GTF2IRD2B: variants seen among roughly 807,000 people sequenced by gnomAD.
GTF2IRD2B encodes the protein general transcription factor II-I repeat domain-containing protein 2B.
Under a neutral mutation model 55.6 loss-of-function variants are expected in GTF2IRD2B, and 10 were observed. That is an observed-to-expected ratio of 0.18 (90% CI 0.11 to 0.31). The LOEUF is 0.31. Ranked by LOEUF, GTF2IRD2B falls within the 10% of genes least tolerant of loss-of-function variation. The pLI, the probability that GTF2IRD2B is intolerant of heterozygous loss-of-function variation, is 1.00. For synonymous variants in GTF2IRD2B, 107 were observed against 320.5 expected (o/e 0.33, Z 7.12); for missense variants, 206 against 802.7 (o/e 0.26, Z 8.98).
At chr7:75,104,121 C>A (rs1807681593) in intron 1 of GTF2IRD2B, among the ~76,000 whole-genome samples, 1 of 130,588 alleles carries the variant, frequency 7.7e-6, no homozygotes, top group South Asian at 2.6e-4. Flanking sequence ...GTTGCTGTGG[C>A]ATCTCCCTTT....
intron 3 of GTF2IRD2B, among the ~76,000 whole-genome samples, chr7:75,114,652 G>T (rs1554451111): frequency 6.6e-6 from 1 of 151,900 alleles, no homozygotes; most frequent in East Asian, 1.9e-4. Context: ...GTGTATCCAA[G>T]GTTTGGCTCC....
chr7:75,127,247 G>A (rs1808548502), intron 8 of GTF2IRD2B, among the ~76,000 whole-genome samples: 1 of 151,392 alleles, frequency 6.6e-6, no homozygotes, highest in Admixed American at 6.6e-5. Flanking sequence ...GGGAGGCCGA[G>A]GCAGGCAAAT....
chr7:75,123,672 G>A (rs1341641548), intron 6 of GTF2IRD2B, 156 bp downstream of exon 6: 10 of 658,220 alleles, frequency 1.5e-5, no homozygotes, highest in Non-Finnish European at 2.5e-5. Flanking sequence ...TCAGGAGATC[G>A]CGACCATCCT....
chr7:75,101,570 G>A (rs1289281277), intron 1 of GTF2IRD2B, among the ~76,000 whole-genome samples: 1 of 149,702 alleles, frequency 6.7e-6, no homozygotes, highest in Non-Finnish European at 1.5e-5. Flanking sequence ...GTGACAGAAT[G>A]AGACCCTGTC....
rs1807312228 is a variant in GTF2IRD2B at position 75,093,092 on chromosome 7, TCGCGC to T, written c.-6+328_-6+332del. On this transcript the variant is annotated intron_variant, in intron 1 of 15. Coordinates refer to ENST00000472837, the MANE Select transcript of GTF2IRD2B (RefSeq NM_001003795.3). ...GCTCCGCCCGTCGTACGTGGGGCGC[TCGCGC>T]TGCGTGCAGACGCGCTTGATTGGTT... 4.3e-4 allele frequency among the ~76,000 whole-genome samples: 65 copies of T among 152,342 alleles called. No homozygotes were observed. In the South Asian group the frequency reaches 0.013, roughly 30 times the overall value.
Position 75,112,248 on chromosome 7 carries a change from T to C in GTF2IRD2B, c.100-149T>C, listed in dbSNP as rs1395182189. 1.0e-4 allele frequency: 16 copies of C among 156,320 alleles called. No homozygotes were observed. In the African/African-American group the frequency reaches 1.1e-3, roughly 11 times the overall value. The allele number at this position is 156,320 out of a possible 1,614,324, so 9.7% of individuals were successfully genotyped here. ...TTGCGCCACTGCACTCCAGCCTGGGTGACAGAGCGAGACTCCGTCTCAAAA... is the reference window on the plus strand; with the variant it reads ...TTGCGCCACTGCACTCCAGCCTGGGCGACAGAGCGAGACTCCGTCTCAAAA... On this transcript the variant is annotated intron_variant, in intron 2 of 15. Coordinates refer to ENST00000472837, the MANE Select transcript of GTF2IRD2B (RefSeq NM_001003795.3).
chr7:75,127,487 A>T (rs1369264093), intron 8 of GTF2IRD2B, among the ~76,000 whole-genome samples: 1 of 148,190 alleles, frequency 6.7e-6, no homozygotes, highest in African/African-American at 2.5e-5. Flanking sequence ...AAAAAAAAAA[A>T]AAAAAGAGAG....
intron 4 of GTF2IRD2B, among the ~76,000 whole-genome samples, chr7:75,121,962 A>ACC (rs2115776091): frequency 1.6e-5 from 2 of 128,758 alleles, no homozygotes; most frequent in South Asian, 5.1e-4. Flanking sequence ...ACGGGGTTTC[A>ACC]TTGTGTTAGC....
intron 12 of GTF2IRD2B, among the ~76,000 whole-genome samples, chr7:75,140,856 AT>A (rs1310946510): frequency 3.6e-5 from 5 of 140,824 alleles, no homozygotes; most frequent in African/African-American, 1.0e-4. Context: ...CTTGTATGAT[AT>A]TGAAAATATT....
chr7:75,104,788 C>G (rs1372335844), intron 1 of GTF2IRD2B, among the ~76,000 whole-genome samples: 2 of 152,278 alleles, frequency 1.3e-5, no homozygotes, highest in Non-Finnish European at 2.9e-5. Context: ...ACCTACGCGT[C>G]TCATGGCTGG....
rs1312395049 is a variant in GTF2IRD2B at position 75,101,462 on chromosome 7, G to T, written c.-5-7498G>T. ...TGCCTGTCATCTTAGCTACTCTGGA[G>T]GCTGAGGCAGGAGCATTGCTTGAGC... On this transcript the variant is annotated intron_variant, in intron 1 of 15. Transcript: ENST00000472837. Among the ~76,000 whole-genome samples the T allele has an allele frequency of 6.6e-5, 10 of 151,198 alleles. No individual in the cohort carries two copies. The East Asian group carries it at 1.9e-3, about 29-fold the overall frequency.
intron 11 of GTF2IRD2B, among the ~76,000 whole-genome samples, chr7:75,138,399 C>T (rs2529347): frequency 1.4e-5 from 2 of 147,898 alleles, no homozygotes; most frequent in Non-Finnish European, 1.5e-5. Flanking sequence ...TGGTGGCTCA[C>T]GCCTGTAATC....
At chr7:75,122,999 G>A (rs1283721006) in intron 4 of GTF2IRD2B, 137 bp from the exon 5 acceptor site, 18 of 1,410,236 alleles carry the variant, frequency 1.3e-5, no homozygotes, top group Admixed American at 4.7e-5. Flanking sequence ...GCAGCGAGCC[G>A]AGATCTTGCC....
chr7:75,103,568 G>A (rs1422518351), intron 1 of GTF2IRD2B, among the ~76,000 whole-genome samples: 1 of 150,822 alleles, frequency 6.6e-6, no homozygotes. Context: ...TCTCAACTAA[G>A]GACTGTCCCA....
intron 3 of GTF2IRD2B, among the ~76,000 whole-genome samples, chr7:75,113,994 A>ATT (rs1220543141): frequency 2.7e-5 from 4 of 148,232 alleles, no homozygotes; most frequent in South Asian, 2.1e-4. Context: ...AGAGAGAGGA[A>ATT]TTATATATAT....
intron 3 of GTF2IRD2B, among the ~76,000 whole-genome samples, chr7:75,119,953 C>T (rs1554536751): frequency 7.8e-6 from 1 of 127,452 alleles, no homozygotes; most frequent in African/African-American, 3.6e-5. Context: ...GTGGTGAAAC[C>T]CCATCTCTAC....
chr7:75,140,527 CTTTTTTTTTTT>C (rs1171281832), intron 12 of GTF2IRD2B, among the ~76,000 whole-genome samples: 1 of 86,184 alleles, frequency 1.2e-5, no homozygotes, highest in Non-Finnish European at 2.3e-5. Flanking sequence ...ACATCCTTGT[CTTTTTTTTTTT>C]TTTTTTTTTT....
chr7:75,124,243 G>A (rs1331902499), intron 6 of GTF2IRD2B, among the ~76,000 whole-genome samples: 9 of 152,296 alleles, frequency 5.9e-5, no homozygotes, highest in African/African-American at 1.7e-4. Flanking sequence ...TGGCGGGTGC[G>A]TGTAATCCCA....
intron 3 of GTF2IRD2B, among the ~76,000 whole-genome samples, chr7:75,115,365 G>T (rs587727474): frequency 5.2e-4 from 79 of 150,558 alleles, no homozygotes; most frequent in African/African-American, 1.8e-3. Flanking sequence ...CTCCAAATTT[G>T]CTCTTCTTCA....
Sources: allele counts gnomAD v4.1 joint callset (sites outside exome capture counted in the v4.1 genomes callset), GRCh38; gene constraint gnomAD v4.1.1; transcripts MANE v1.5; gene names NCBI Gene and HGNC (gene_info 2026-07-23, HGNC 2026-07-21).